The following KIF26B variants were observed in gnomAD, a reference collection of about 807,000 sequenced individuals.
The protein encoded by KIF26B is kinesin-like protein KIF26B.
Under a neutral mutation model 151.2 loss-of-function variants are expected in KIF26B, and 63 were observed. The observed-to-expected ratio is 0.42, with a 90% CI of 0.34 to 0.51. KIF26B has a LOEUF of 0.51. Ranked by LOEUF, KIF26B falls within the 20% of genes least tolerant of loss-of-function variation. The probability of loss-of-function intolerance (pLI) is 0.07; values close to 1 mark genes in which losing one functional copy is unlikely to be tolerated. For missense variants in KIF26B, 2,813 were observed against 2,913.6 expected (o/e 0.97, Z 0.79); for synonymous variants, 1,357 against 1,262.1 (o/e 1.08, Z -1.59).
chr1:245,446,743 G>T (rs1359405052), intron 4 of KIF26B, among the ~76,000 whole-genome samples: 1 of 152,122 alleles, frequency 6.6e-6, no homozygotes. Flanking sequence ...ATAGAAAAGG[G>T]TCCCTGGTGG....
intron 2 of KIF26B, among the ~76,000 whole-genome samples, chr1:245,257,211 T>G (rs1196005928): frequency 6.6e-6 from 1 of 152,246 alleles, no homozygotes; most frequent in Non-Finnish European, 1.5e-5. Flanking sequence ...TCCTCTGAGT[T>G]GTCCTGCCTT....
At chr1:245,237,799 G>GCAGA (rs1430649111) in intron 2 of KIF26B, among the ~76,000 whole-genome samples, 36 of 146,356 alleles carry the variant, frequency 2.5e-4, no homozygotes, top group African/African-American at 8.6e-4. Context: ...AGGCGTGAAG[G>GCAGA]TTGCTTGAGC....
At chr1:245,652,905 G>A (rs553602308) in intron 10 of KIF26B, among the ~76,000 whole-genome samples, 13 of 152,258 alleles carry the variant, frequency 8.5e-5, no homozygotes, top group South Asian at 2.1e-4. Context: ...TGATGGTCTC[G>A]GGGCTGGGTA....
At chr1:245,158,210 A>T (rs555288827) in intron 2 of KIF26B, among the ~76,000 whole-genome samples, 2 of 152,272 alleles carry the variant, frequency 1.3e-5, no homozygotes, top group African/African-American at 4.8e-5. Flanking sequence ...TTGAGGACCT[A>T]TTCTTATAAT....
At chr1:245,486,395 GAA>G (rs5782349) in intron 4 of KIF26B, among the ~76,000 whole-genome samples, 4 of 150,656 alleles carry the variant, frequency 2.7e-5, no homozygotes, top group East Asian at 1.9e-4. Flanking sequence ...TTTAAGGGAG[GAA>G]AAAAAAAAGA....
chr1:245,650,561 G>A (rs993233756), intron 10 of KIF26B, among the ~76,000 whole-genome samples: 1 of 152,238 alleles, frequency 6.6e-6, no homozygotes, highest in Non-Finnish European at 1.5e-5. Context: ...CTTAGATGTT[G>A]CTTTGTAGAG....
At position 245,688,106 on chromosome 1, in the gene KIF26B, G is replaced by A. The variant is rs1308864850; in HGVS notation, c.5123G>A (p.Arg1708Lys). 6.4e-7 allele frequency: 1 copy of A among 1,557,820 alleles called. No individual in the cohort carries two copies. The highest frequency in any genetic ancestry group is 8.7e-7 in the Non-Finnish European group (1 of 1,154,528). The part of the protein sequence containing the change: ...GKDGTMPRAG[R>K]SLGRSAGTSP... The stretch of plus-strand genomic sequence containing the variant: ...GACGGCACCATGCCCCGCGCGGGGA[G>A]GAGCCTGGGCCGCAGCGCCGGGACC... The change falls in exon 12 of 15, where the codon AGG becomes AAG. Residue 1708 changes from arginine to lysine, a missense_variant. By Grantham distance (26) the Arg-to-Lys change is conservative. This residue lies in a region of KIF26B where 2,060 missense variants were observed against 2,088.6 expected (regional missense o/e 0.99). Coordinates refer to ENST00000407071, the MANE Select transcript of KIF26B (RefSeq NM_018012.4).
chr1:245,376,078 G>T (rs1673266452), intron 3 of KIF26B, among the ~76,000 whole-genome samples: 1 of 152,172 alleles, frequency 6.6e-6, no homozygotes, highest in African/African-American at 2.4e-5. Context: ...TCCAAGCTGG[G>T]GGTGGGAGGG....
At chr1:245,447,239 A>G (rs576838356) in intron 4 of KIF26B, among the ~76,000 whole-genome samples, 8 of 152,312 alleles carry the variant, frequency 5.3e-5, no homozygotes, top group Non-Finnish European at 1.0e-4. Flanking sequence ...GCACAAAGTC[A>G]CTTGAGACTG....
At position 245,687,677 on chromosome 1, in the gene KIF26B, G is replaced by T. The variant is rs1168646177; in HGVS notation, c.4694G>T (p.Gly1565Val). Residue 1565 changes from glycine (G) to valine (V), a missense_variant, in exon 12 of 15, where the codon GGT becomes GTT. Gly to Val is a moderately radical substitution (Grantham distance 109, BLOSUM62 -3). Transcript: ENST00000407071. This position sits in a 1 kb window ranked among gnomAD's most constrained non-coding sequence, Gnocchi z 4.9. The stretch of plus-strand genomic sequence containing the variant: ...TGCGCTGCTGAGACCAACGGGGTGG[G>T]TGCAGCCTCGGGCACCCCGCCCTCC... ...YYCAAETNGV[G>V]AASGTPPSKA... 1 of 1,578,896 alleles carries T rather than the reference G, an allele frequency of 6.3e-7. No individual in the cohort carries two copies. The highest frequency in any genetic ancestry group is 8.6e-7 in the Non-Finnish European group (1 of 1,162,818).
At chr1:245,257,764 G>T (rs149964127) in intron 2 of KIF26B, among the ~76,000 whole-genome samples, 1 of 152,142 alleles carries the variant, frequency 6.6e-6, no homozygotes, top group African/African-American at 2.4e-5. Flanking sequence ...GCTCATACCC[G>T]TAATCCCAGC....
intron 2 of KIF26B, among the ~76,000 whole-genome samples, chr1:245,217,867 C>T (rs749876561): frequency 1.5e-4 from 23 of 152,144 alleles, no homozygotes; most frequent in Non-Finnish European, 2.9e-4. Context: ...CCACATGCGC[C>T]ATCCCATTTG....
At chr1:245,652,702 C>T (rs897242018) in intron 10 of KIF26B, among the ~76,000 whole-genome samples, 6 of 152,176 alleles carry the variant, frequency 3.9e-5, no homozygotes, top group East Asian at 1.9e-4. Flanking sequence ...GTTGTTCTGC[C>T]GCTAGTTTGA....
intron 2 of KIF26B, among the ~76,000 whole-genome samples, chr1:245,297,797 C>T (rs1487545277): frequency 2.0e-5 from 3 of 152,138 alleles, no homozygotes; most frequent in African/African-American, 7.2e-5. Context: ...AGCCTCGTGG[C>T]TTGGAGATGG....
chr1:245,242,998 C>T (rs2103560887), intron 2 of KIF26B, among the ~76,000 whole-genome samples: 1 of 152,236 alleles, frequency 6.6e-6, no homozygotes, highest in South Asian at 2.1e-4. Context: ...CGGATTTTTC[C>T]CTCAGTTACC....
At position 245,601,654 on chromosome 1, in the gene KIF26B, A is replaced by C. The variant is rs1413466267; in HGVS notation, c.1351-923A>C. ...CCCCATGCCTAGCACAGTGCCCAGC[A>C]CATAGTAGGTGCTCAAAAAAAGTGC... On this transcript the variant is annotated intron_variant, in intron 5 of 14. Coordinates refer to ENST00000407071, the MANE Select transcript of KIF26B (RefSeq NM_018012.4). The surrounding 1 kb of genome is among the most constrained non-coding windows in gnomAD (Gnocchi z 4.4). 6.6e-6 allele frequency among the ~76,000 whole-genome samples: 1 copy of C among 152,218 alleles called. No individual in the cohort carries two copies. Among genetic ancestry groups the C allele is most frequent in the African/African-American group, 2.4e-5 (1 of 41,450 alleles).
At chr1:245,681,790 A>G (rs766914600) in intron 10 of KIF26B, among the ~76,000 whole-genome samples, 1 of 152,240 alleles carries the variant, frequency 6.6e-6, no homozygotes, top group Non-Finnish European at 1.5e-5. Flanking sequence ...CTTCTTGGCT[A>G]GTGTTTTATT....
At chr1:245,688,855 C>A in intron 12 of KIF26B, 48 bp downstream of exon 12, 1 of 1,517,450 alleles carries the variant, frequency 6.6e-7, no homozygotes, top group Non-Finnish European at 8.8e-7. Flanking sequence ...GGCAGGTGGG[C>A]GAGCTGCCCA....
intron 3 of KIF26B, 85 bp from the exon 4 acceptor site, chr1:245,419,494 C>A: frequency 7.5e-7 from 1 of 1,330,564 alleles, no homozygotes; most frequent in Non-Finnish European, 1.0e-6. Flanking sequence ...TCTTGCCTCC[C>A]TCCCCCAAAT....
Sources: allele counts gnomAD v4.1 joint callset (sites outside exome capture counted in the v4.1 genomes callset), GRCh38; gene constraint gnomAD v4.1.1; regional missense constraint gnomAD v4.1.1; non-coding constraint Gnocchi (gnomAD v3.1); transcripts MANE v1.5; gene names NCBI Gene and HGNC (gene_info 2026-07-23, HGNC 2026-07-21).